Variants in FCHSD1 observed in about 807,000 individuals in gnomAD.
FCHSD1 encodes the protein FCH and double SH3 domains 1.
A neutral mutation model predicts 101.3 loss-of-function variants in FCHSD1; 109 were observed. The observed-to-expected ratio is 1.08, with a 90% CI of 0.92 to 1.26. The LOEUF (loss-of-function observed/expected upper bound fraction) is 1.26. Ranked by LOEUF, FCHSD1 falls within the 50% of genes most tolerant of loss-of-function variation. FCHSD1 has a pLI of 0.00. For synonymous variants in FCHSD1, 291 were observed against 356.8 expected, an observed-to-expected ratio of 0.82 and a Z score of 2.08; for missense variants, 820 against 895.8, an observed-to-expected ratio of 0.92 and a Z score of 1.08.
At chr5:141,647,712 A>G in intron 8 of FCHSD1, 192 bp from the exon 9 acceptor site, 1 of 990,106 alleles carries the variant, frequency 1.0e-6, no homozygotes, top group Non-Finnish European at 1.5e-6. Context: ...CTCTCCTTTG[A>G]GCCCCACTAG....
intron 18 of FCHSD1, 99 bp from the exon 19 acceptor site, chr5:141,641,856 T>G: frequency 8.0e-7 from 1 of 1,245,262 alleles, no homozygotes; most frequent in Non-Finnish European, 1.2e-6. Context: ...ATTTGTTAAA[T>G]TAATGGTCAC....
At position 141,650,424 on chromosome 5, in the gene FCHSD1, G is replaced by T; in HGVS notation, c.120-20C>A. 1 of 1,613,884 alleles carries T rather than the reference G, an allele frequency of 6.2e-7. No homozygotes were observed. The highest frequency in any genetic ancestry group is 8.5e-7 in the Non-Finnish European group (1 of 1,179,882). Reference sequence around the variant, plus strand: ...TAGGATCTGCGGAGATTGCAGGTCGGGGGTGAGGTGGGGGATAAGGTTATG... The same window carrying T: ...TAGGATCTGCGGAGATTGCAGGTCGTGGGTGAGGTGGGGGATAAGGTTATG... On this transcript the variant is annotated intron_variant, in intron 2 of 19. Coordinates refer to ENST00000435817, the MANE Select transcript of FCHSD1 (RefSeq NM_033449.3).
At position 141,646,687 on chromosome 5, in the gene FCHSD1, AGCCAC is replaced by A; in HGVS notation, c.955_959del (p.Val319TrpfsTer19). The A allele has an allele frequency of 1.2e-6, 2 of 1,613,420 alleles. No individual in the cohort carries two copies. On this transcript the variant is annotated frameshift_variant, in exon 11 of 20. Transcript: ENST00000435817. LOFTEE classifies it high-confidence loss of function. ...CCTCTTTCTCCAGGCCACTCTTGCC[AGCCAC>A]GCCTTCTGCTCCCCACTCCAGGACA...
chr5:141,649,155 A>G lies in FCHSD1; in HGVS notation c.512+17T>C, dbSNP rs755998573. ...CTGTTCCCCAACCTTGGGCTTCCTC[A>G]CTCTCCATGACCCCACCTGGCCTGG... On this transcript the variant is annotated intron_variant, in intron 6 of 19. Transcript: ENST00000435817. This position sits in a 1 kb window ranked among gnomAD's most constrained non-coding sequence, Gnocchi z 4.1. The G allele has an allele frequency of 6.2e-7, 1 of 1,612,864 alleles. No homozygotes were observed. Among genetic ancestry groups the G allele is most frequent in the Non-Finnish European group, 8.5e-7 (1 of 1,179,580 alleles).
chr5:141,640,420 A>G lies in FCHSD1; in HGVS notation c.*1078T>C. 3 of 1,614,146 alleles carry G rather than the reference A, an allele frequency of 1.9e-6. No individual in the cohort carries two copies. The highest frequency in any genetic ancestry group is 1.7e-6 in the Non-Finnish European group (2 of 1,180,008). On this transcript the variant is annotated 3_prime_UTR_variant, in exon 20 of 20. Transcript: ENST00000435817. The stretch of plus-strand genomic sequence containing the variant: ...CCTCCCCTTTCTCTCAGGTGTCTCT[A>G]CCACAGGGAGCAGGGAGTATGTGAG...
rs898178861 is a variant in FCHSD1 at position 141,649,193 on chromosome 5, T to G, written c.491A>C (p.Lys164Thr). The change falls in exon 6 of 20, where the codon AAG becomes ACG. Residue 164 changes from lysine to threonine, a missense_variant. Coordinates refer to ENST00000435817, the MANE Select transcript of FCHSD1 (RefSeq NM_033449.3). This position sits in a 1 kb window ranked among gnomAD's most constrained non-coding sequence, Gnocchi z 4.1. ...RERVWALAQE[K>T]AADVQARLNR... ...CCACCTGGCCTGGACATCAGCCGCC[T>G]TCTCCTGTGCCAAGGCCCACACACG... The G allele has an allele frequency of 3.1e-6, 5 of 1,613,978 alleles. No homozygotes were observed. The highest frequency in any genetic ancestry group is 4.2e-6 in the Non-Finnish European group (5 of 1,179,880).
rs767128333 is a variant in FCHSD1 at position 141,649,311 on chromosome 5, A to G, written c.376-3T>C. The stretch of plus-strand genomic sequence containing the variant: ...GCCCTCTGGAGGTTCTCTGTTCCCT[A>G]TTGGGATGCATACACAAAGTCCTTA... On this transcript the variant is annotated splice_region_variant and splice_polypyrimidine_tract_variant and intron_variant, in intron 5 of 19. Transcript: ENST00000435817. The surrounding 1 kb of genome is among the most constrained non-coding windows in gnomAD (Gnocchi z 4.1). The G allele has an allele frequency of 4.3e-6, 7 of 1,613,768 alleles. No individual in the cohort carries two copies. Among genetic ancestry groups the G allele is most frequent in the Non-Finnish European group, 5.1e-6 (6 of 1,179,870 alleles).
rs992402016 is a variant in FCHSD1 at position 141,639,419 on chromosome 5, G to A, written c.*2079C>T. The A allele has an allele frequency of 3.4e-6, 5 of 1,490,150 alleles. No individual in the cohort carries two copies. Among genetic ancestry groups the A allele is most frequent in the Non-Finnish European group, 4.6e-6 (5 of 1,092,072 alleles). 92.3% of individuals were successfully genotyped at this position (1,490,150 alleles called of 1,614,324 possible). On this transcript the variant is annotated 3_prime_UTR_variant, in exon 20 of 20. Transcript: ENST00000435817. The surrounding 1 kb of genome is among the most constrained non-coding windows in gnomAD (Gnocchi z 4.4). Reference sequence around the variant, plus strand: ...AGAACGTAAGAAACAAAACATGAAGGGAAATGGAAATGTTACCCTCACTCC... The same window carrying A: ...AGAACGTAAGAAACAAAACATGAAGAGAAATGGAAATGTTACCCTCACTCC...
intron 18 of FCHSD1, 39 bp downstream of exon 18, chr5:141,642,958 CCTGT>C: frequency 6.5e-7 from 1 of 1,534,086 alleles, no homozygotes; most frequent in East Asian, 2.5e-5. Flanking sequence ...CCTCCTTCTT[CCTGT>C]CTGTTAGCCT....
chr5:141,646,429 T>G (rs750549626), intron 11 of FCHSD1, 174 bp downstream of exon 11: 30 of 1,097,290 alleles, frequency 2.7e-5, no homozygotes, highest in Non-Finnish European at 3.8e-5. Context: ...TGAACCTATG[T>G]CGGTCTAGCT....
At chr5:141,646,856 A>G (rs1046512591) in intron 10 of FCHSD1, 134 bp from the exon 11 acceptor site, 3 of 1,336,372 alleles carry the variant, frequency 2.2e-6, no homozygotes, top group Middle Eastern at 3.8e-4. Flanking sequence ...AGTCATGGAC[A>G]CAGGTAATGT....
At position 141,649,818 on chromosome 5, in the gene FCHSD1, A is replaced by AG; in HGVS notation, c.233+68_233+69insC. 1 of 1,509,140 alleles carries AG rather than the reference A, an allele frequency of 6.6e-7. No homozygotes were observed. Among genetic ancestry groups the AG allele is most frequent in the Non-Finnish European group, 8.9e-7 (1 of 1,126,566 alleles). 93.5% of individuals were successfully genotyped at this position (1,509,140 alleles called of 1,614,324 possible). On this transcript the variant is annotated intron_variant, in intron 4 of 19. Coordinates refer to ENST00000435817, the MANE Select transcript of FCHSD1 (RefSeq NM_033449.3). This position sits in a 1 kb window ranked among gnomAD's most constrained non-coding sequence, Gnocchi z 4.1. ...CCCCACTTGCTAGGCCTTCATCCCC[A>AG]CAGGTTCCTGGGGCTGAGCTCCCCA...
Position 141,640,314 on chromosome 5 carries a change from G to T in FCHSD1, c.*1184C>A. Reference sequence around the variant, plus strand: ...TCACCAGGTAGGAAAACACAGCCGGGACTGCACTGGGCTGGGCTCTTATTG... The same window carrying T: ...TCACCAGGTAGGAAAACACAGCCGGTACTGCACTGGGCTGGGCTCTTATTG... On this transcript the variant is annotated 3_prime_UTR_variant, in exon 20 of 20. Coordinates refer to ENST00000435817, the MANE Select transcript of FCHSD1 (RefSeq NM_033449.3). The T allele has an allele frequency of 1.9e-6, 3 of 1,613,740 alleles. No homozygotes were observed. Among genetic ancestry groups the T allele is most frequent in the Non-Finnish European group, 2.5e-6 (3 of 1,179,816 alleles).
In FCHSD1 at chr5:141,639,776, A is replaced by G. The variant is rs2099906615; in HGVS notation, c.*1722T>C. ...AGCTCCGGCAGAAGTCAGGCTACACAATGTGCCCCACAATCTGAGAAGGCC... is the reference window on the plus strand; with the variant it reads ...AGCTCCGGCAGAAGTCAGGCTACACGATGTGCCCCACAATCTGAGAAGGCC... On this transcript the variant is annotated 3_prime_UTR_variant, in exon 20 of 20. Coordinates refer to ENST00000435817, the MANE Select transcript of FCHSD1 (RefSeq NM_033449.3). This position sits in a 1 kb window ranked among gnomAD's most constrained non-coding sequence, Gnocchi z 4.4. The G allele has an allele frequency of 7.8e-7, 1 of 1,280,494 alleles. No homozygotes were observed. Among genetic ancestry groups the G allele is most frequent in the South Asian group, 1.3e-5 (1 of 74,094 alleles). The allele number at this position is 1,280,494 out of a possible 1,614,324, so 79.3% of individuals were successfully genotyped here. A position where few individuals can be genotyped will look rare whatever the true frequency, so the allele number is the denominator to read the frequency against.
At chr5:141,648,368 C>T (rs574938463) in intron 7 of FCHSD1, among the ~76,000 whole-genome samples, 8 of 152,316 alleles carry the variant, frequency 5.3e-5, no homozygotes, top group East Asian at 1.9e-4. Flanking sequence ...TCTTTTCAAG[C>T]GCTTGTTCCC....
rs747037804 is a variant in FCHSD1, at chr5:141,643,034, A to G, written c.1918T>C (p.Leu640=). The part of the protein sequence containing the change: ...SFSPPAPTSV[L]DGPPAPVLPG... The stretch of plus-strand genomic sequence containing the variant: ...AGGACAGGTGCAGGGGGCCCATCCA[A>G]CACAGAGGTAGGTGCAGGTGGGGAG... Residue 640 remains leucine, a synonymous_variant, in exon 18 of 20, where the codon TTG becomes CTG. Transcript: ENST00000435817. 2 of 1,561,242 alleles carry G rather than the reference A, an allele frequency of 1.3e-6. No individual in the cohort carries two copies. Among genetic ancestry groups the G allele is most frequent in the African/African-American group, 1.4e-5 (1 of 72,010 alleles).
At position 141,639,399 on chromosome 5, in the gene FCHSD1, G is replaced by GT; in HGVS notation, c.*2098dup. The GT allele has an allele frequency of 7.2e-7, 1 of 1,393,648 alleles. No individual in the cohort carries two copies. The highest frequency in any genetic ancestry group is 2.2e-5 in the Admixed American group (1 of 46,402). 86.3% of individuals were successfully genotyped at this position (1,393,648 alleles called of 1,614,324 possible). The stretch of plus-strand genomic sequence containing the variant: ...GTTTTAAGGAGCATGCTGAAAGAAC[G>GT]TAAGAAACAAAACATGAAGGGAAAT... On this transcript the variant is annotated 3_prime_UTR_variant, in exon 20 of 20. Coordinates refer to ENST00000435817, the MANE Select transcript of FCHSD1 (RefSeq NM_033449.3). This position sits in a 1 kb window ranked among gnomAD's most constrained non-coding sequence, Gnocchi z 4.4.
Position 141,649,990 on chromosome 5 carries a change from T to C in FCHSD1, c.166-36A>G. 5 of 1,519,114 alleles carry C rather than the reference T, an allele frequency of 3.3e-6. No homozygotes were observed. Among genetic ancestry groups the C allele is most frequent in the Non-Finnish European group, 4.4e-6 (5 of 1,134,220 alleles). 94.1% of individuals were successfully genotyped at this position (1,519,114 alleles called of 1,614,324 possible). A position where few individuals can be genotyped will look rare whatever the true frequency, so the allele number is the denominator to read the frequency against. The stretch of plus-strand genomic sequence containing the variant: ...AGCCATCACAGAACCAAGTTCCCTT[T>C]CAAAGACCCACCCCAACTGGCAGAA... On this transcript the variant is annotated intron_variant, in intron 3 of 19. Coordinates refer to ENST00000435817, the MANE Select transcript of FCHSD1 (RefSeq NM_033449.3). This position sits in a 1 kb window ranked among gnomAD's most constrained non-coding sequence, Gnocchi z 4.1.
Position 141,646,186 on chromosome 5 carries a change from CA to C in FCHSD1, c.1049del (p.Leu350ArgfsTer19). Reference protein sequence around the residue: ...YKIQNHGHRVLQRLEQRRQQA... With the variant: ...YKIQNHGHRVXQRLEQRRQQA... Reference sequence around the variant, plus strand: ...GCTGCCGCCTCTGCTCCAGTCGTTGCAGTACCTGGTTGGGAAGGCAGAGAAC... The same window carrying C: ...GCTGCCGCCTCTGCTCCAGTCGTTGCGTACCTGGTTGGGAAGGCAGAGAAC... On this transcript the variant is annotated frameshift_variant, in exon 12 of 20. Transcript: ENST00000435817. LOFTEE classifies it high-confidence loss of function. The C allele has an allele frequency of 6.2e-7, 1 of 1,603,074 alleles. No individual in the cohort carries two copies. Among genetic ancestry groups the C allele is most frequent in the Middle Eastern group, 1.7e-4 (1 of 6,050 alleles).
Sources: allele counts gnomAD v4.1 joint callset (sites outside exome capture counted in the v4.1 genomes callset), GRCh38; gene constraint gnomAD v4.1.1; non-coding constraint Gnocchi (gnomAD v3.1); transcripts MANE v1.5; gene names NCBI Gene and HGNC (gene_info 2026-07-23, HGNC 2026-07-21).